The following TLN2 variants were observed in gnomAD, a reference collection of about 807,000 sequenced individuals.
TLN2 encodes talin 2.
TLN2 carries 118 observed loss-of-function variants against 294.7 expected under a neutral mutation model. The ratio of observed to expected loss-of-function variants is 0.40; its 90% CI spans 0.34 to 0.47. TLN2 has a LOEUF of 0.47. Ranked by LOEUF, TLN2 falls within the 20% of genes least tolerant of loss-of-function variation. The pLI is 0.84. For synonymous variants in TLN2, 1,431 were observed against 1,304.5 expected, an observed-to-expected ratio of 1.10 and a Z score of -2.09; for missense variants, 3,083 against 3,282.2, an observed-to-expected ratio of 0.94 and a Z score of 1.48.
At chr15:62,705,626 G>A (rs980163963) in intron 19 of TLN2, among the ~76,000 whole-genome samples, 31 of 152,180 alleles carry the variant, frequency 2.0e-4, no homozygotes, top group African/African-American at 6.8e-4. Flanking sequence ...TTCATATCAA[G>A]TGAGGGAATA....
intron 54 of TLN2, among the ~76,000 whole-genome samples, chr15:62,825,770 TTATATAATATATTA>T (rs2068022139): frequency 4.7e-5 from 2 of 42,856 alleles, no homozygotes; most frequent in Non-Finnish European, 8.1e-5. Context: ...TAATTATATA[TTATATAATATATTA>T]TATATTATAA....
At chr15:62,821,270 C>T (rs1459677909) in intron 54 of TLN2, among the ~76,000 whole-genome samples, 1 of 152,254 alleles carries the variant, frequency 6.6e-6, no homozygotes, top group Non-Finnish European at 1.5e-5. Flanking sequence ...TAAGCTAATA[C>T]CTCCTACCCC....
chr15:62,647,195 T>G (rs1282285747), intron 3 of TLN2, 80 bp from the exon 4 acceptor site: 1 of 1,334,462 alleles, frequency 7.5e-7, no homozygotes, highest in East Asian at 2.3e-5. Context: ...GATTTTAAAG[T>G]CCAGCACTTT....
At chr15:62,431,694 G>T (rs1288365269) in intron 1 of TLN2, among the ~76,000 whole-genome samples, 2 of 152,148 alleles carry the variant, frequency 1.3e-5, no homozygotes, top group African/African-American at 4.8e-5. Context: ...GCTTTCTTTA[G>T]CTTTCTCCAT....
At chr15:62,611,021 A>G (rs918229921) in intron 2 of TLN2, among the ~76,000 whole-genome samples, 1 of 152,126 alleles carries the variant, frequency 6.6e-6, no homozygotes, top group African/African-American at 2.4e-5. Context: ...CACCTGCCTG[A>G]TATTTTCCCA....
In TLN2 at chr15:62,448,663, G is replaced by C. The variant is rs148345410; in HGVS notation, c.-238+57978G>C. ...TTTAATCACAGAGAGAAATGCTGAGGTTTGTTTTAACTGAGATACAAAATG... is the reference window on the plus strand; with the variant it reads ...TTTAATCACAGAGAGAAATGCTGAGCTTTGTTTTAACTGAGATACAAAATG... On this transcript the variant is annotated intron_variant, in intron 1 of 58. Coordinates refer to ENST00000636159, the MANE Select transcript of TLN2 (RefSeq NM_015059.3). Among the ~76,000 whole-genome samples the C allele has an allele frequency of 2.1e-4, 32 of 152,286 alleles. No individual in the cohort carries two copies. In the East Asian group the frequency reaches 6.0e-3, roughly 28 times the overall value.
chr15:62,517,721 C>T (rs146944903), intron 1 of TLN2, among the ~76,000 whole-genome samples: 4 of 152,188 alleles, frequency 2.6e-5, no homozygotes, highest in African/African-American at 9.7e-5. Context: ...ACATTACCCA[C>T]TTGGAAAAAC....
intron 12 of TLN2, 86 bp downstream of exon 12, chr15:62,686,882 T>C: frequency 6.5e-7 from 1 of 1,533,748 alleles, no homozygotes; most frequent in Non-Finnish European, 8.8e-7. Flanking sequence ...TTCTTGCCCA[T>C]TGGGTTTCTC....
intron 1 of TLN2, among the ~76,000 whole-genome samples, chr15:62,406,844 C>T (rs1165100342): frequency 5.9e-5 from 9 of 152,098 alleles, no homozygotes; most frequent in Admixed American, 3.3e-4. Context: ...GGACAACAAT[C>T]ATATTGAATT....
chr15:62,423,355 A>AGT (rs1251323366), intron 1 of TLN2, among the ~76,000 whole-genome samples: 2 of 152,136 alleles, frequency 1.3e-5, no homozygotes, highest in African/African-American at 4.8e-5. Flanking sequence ...CAGGTGATAG[A>AGT]GTGAGACCCT....
intron 3 of TLN2, chr15:62,644,857 A>G (rs2051645185): frequency 3.4e-6 from 1 of 296,130 alleles, no homozygotes. Flanking sequence ...GGGACCATTC[A>G]TTTGCCTTTC....
chr15:62,697,970 A>T (rs1055752093), intron 15 of TLN2, 102 bp downstream of exon 15: 2 of 1,397,226 alleles, frequency 1.4e-6, no homozygotes, highest in East Asian at 2.6e-5. Context: ...AACGCTCTCT[A>T]TTTCCCGGCT....
At chr15:62,807,222 A>G (rs571190127) in intron 51 of TLN2, among the ~76,000 whole-genome samples, 1 of 152,228 alleles carries the variant, frequency 6.6e-6, no homozygotes, top group African/African-American at 2.4e-5. Flanking sequence ...AAGGGGTTAC[A>G]TCCTCAATCA....
At chr15:62,535,595 G>A (rs1323524972) in intron 1 of TLN2, among the ~76,000 whole-genome samples, 2 of 141,610 alleles carry the variant, frequency 1.4e-5, no homozygotes, top group African/African-American at 5.3e-5. Context: ...TGGTTCTGTT[G>A]CCCCGGCCAG....
chr15:62,789,464 C>T (rs2064925787), intron 45 of TLN2, among the ~76,000 whole-genome samples: 1 of 152,176 alleles, frequency 6.6e-6, no homozygotes, highest in Middle Eastern at 3.2e-3. Flanking sequence ...ATCGTGTCAC[C>T]TCCAAGAAAG....
chr15:62,700,821 TA>T (rs1474189138), intron 16 of TLN2, among the ~76,000 whole-genome samples: 1 of 152,236 alleles, frequency 6.6e-6, no homozygotes, highest in Non-Finnish European at 1.5e-5. Context: ...TGAATTTTTC[TA>T]AATAAGGCCA....
At chr15:62,797,484 G>A in intron 48 of TLN2, 82 bp downstream of exon 48, 3 of 1,438,932 alleles carry the variant, frequency 2.1e-6, no homozygotes, top group Non-Finnish European at 2.7e-6. Flanking sequence ...GCCTAAGGCA[G>A]AACAGGAACT....
chr15:62,664,976 C>T (rs1357209420), intron 9 of TLN2, among the ~76,000 whole-genome samples: 1 of 144,772 alleles, frequency 6.9e-6, no homozygotes, highest in African/African-American at 2.5e-5. Flanking sequence ...GCAGATATGA[C>T]AACATGTCAA....
intron 1 of TLN2, among the ~76,000 whole-genome samples, chr15:62,422,857 G>T (rs771400948): frequency 9.2e-5 from 14 of 152,330 alleles, no homozygotes; most frequent in Middle Eastern, 3.4e-3. Flanking sequence ...AGCTGGTGAT[G>T]CCTGGACCCC....
Sources: gnomAD v4.1 joint callset for allele counts (sites outside exome capture counted in the v4.1 genomes callset) on GRCh38, gnomAD v4.1.1 for gene constraint, MANE v1.5 for transcripts, NCBI Gene and HGNC (gene_info 2026-07-23, HGNC 2026-07-21) for gene names.